TTC3: variants seen among roughly 807,000 people sequenced by gnomAD.
TTC3 encodes tetratricopeptide repeat domain 3.
Under a neutral mutation model 249.6 loss-of-function variants are expected in TTC3, and 180 were observed. The observed-to-expected ratio is 0.72, with a 90% CI of 0.64 to 0.82. The LOEUF is 0.82. Among genes scored for constraint, TTC3 ranks in the 40% least tolerant of loss-of-function variants. The pLI is 0.00. For synonymous variants in TTC3, 717 were observed against 805.0 expected (o/e 0.89, Z 1.85); for missense variants, 2,061 against 2,398.4 (o/e 0.86, Z 2.94).
intron 31 of TTC3, among the ~76,000 whole-genome samples, chr21:37,162,587 C>T (rs2080861805): frequency 6.6e-6 from 1 of 151,928 alleles, no homozygotes; most frequent in Non-Finnish European, 1.5e-5. Context: ...TTATATCATA[C>T]TCCTTTATGA....
At chr21:37,166,130 A>C (rs778610621) in exon 33 of TTC3, 1 of 1,614,176 alleles carries the variant, frequency 6.2e-7, no homozygotes, top group Non-Finnish European at 8.5e-7. Context: ...TGTGAAACCA[A>C]CTTATTGGGC....
At chr21:37,122,881 TG>T in intron 12 of TTC3, 101 bp from the exon 13 acceptor site, 2 of 1,096,406 alleles carry the variant, frequency 1.8e-6, no homozygotes, top group Non-Finnish European at 2.5e-6. Flanking sequence ...TTTCTAAATT[TG>T]AGGTCCTTAC....
At chr21:37,097,496 A>G (rs4817849) in intron 10 of TTC3, among the ~76,000 whole-genome samples, 69,000 of 151,992 alleles carry the variant, frequency 0.45, 16,215 homozygotes, top group Non-Finnish European at 0.52. Flanking sequence ...GGTCCTGCAT[A>G]GGTATTAGTT....
At chr21:37,123,621 C>T (rs1357355411) in intron 13 of TTC3, among the ~76,000 whole-genome samples, 1 of 152,172 alleles carries the variant, frequency 6.6e-6, no homozygotes, top group African/African-American at 2.4e-5. Flanking sequence ...ACCGAAGCTG[C>T]TAATTCTGTA....
At chr21:37,201,399 G>A in intron 45 of TTC3, 41 bp from the exon 46 acceptor site, 1 of 1,612,160 alleles carries the variant, frequency 6.2e-7, no homozygotes, top group Non-Finnish European at 8.5e-7. Context: ...GCTTCCTCAT[G>A]GTCCTGAAGG....
chr21:37,109,773 T>C (rs889580080), intron 11 of TTC3, among the ~76,000 whole-genome samples: 1 of 152,148 alleles, frequency 6.6e-6, no homozygotes, highest in Non-Finnish European at 1.5e-5. Flanking sequence ...CTCAAGTGGG[T>C]CCCTGACCCC....
exon 31 of TTC3, chr21:37,162,045 C>T: frequency 6.3e-7 from 1 of 1,582,872 alleles, no homozygotes; most frequent in Non-Finnish European, 8.6e-7. Context: ...GAGATCATCA[C>T]TTCAAGTGAA....
intron 11 of TTC3, among the ~76,000 whole-genome samples, chr21:37,117,797 G>C (rs2076265680): frequency 7.6e-6 from 1 of 131,722 alleles, no homozygotes; most frequent in African/African-American, 3.0e-5. Context: ...CTGAGCCCAG[G>C]AAGTATGAGG....
At chr21:37,132,745 A>G (rs2077579120) in exon 17 of TTC3, 11 of 1,608,184 alleles carry the variant, frequency 6.8e-6, no homozygotes, top group African/African-American at 1.3e-5. Flanking sequence ...AGTTTTCTAA[A>G]TCTTCCAGAG....
chr21:37,161,975 T>C lies in TTC3; in HGVS notation c.3097-15T>C. 6.5e-7 allele frequency: 1 copy of C among 1,528,174 alleles called. No homozygotes were observed. Among genetic ancestry groups the C allele is most frequent in the Non-Finnish European group, 8.8e-7 (1 of 1,130,986 alleles). The allele number at this position is 1,528,174 out of a possible 1,614,324, so 94.7% of individuals were successfully genotyped here. ...AGGTAGAAAATCATTGTCATTTTTC[T>C]GTCTTTTAAACCAGCCTATGTTAGT... On this transcript the variant is annotated splice_polypyrimidine_tract_variant and intron_variant, in intron 30 of 45. Transcript: ENST00000355666.
chr21:37,158,063 GCT>G (rs1487259608), intron 28 of TTC3: 1 of 946,676 alleles, frequency 1.1e-6, no homozygotes, highest in South Asian at 4.9e-5. Context: ...GGAGTGGAAA[GCT>G]TACTTTTGAC....
intron 10 of TTC3, 38 bp downstream of exon 10, chr21:37,096,681 T>A: frequency 1.4e-6 from 2 of 1,473,242 alleles, no homozygotes; most frequent in Non-Finnish European, 1.9e-6. Flanking sequence ...TGAATTATTA[T>A]GCTAAATACC....
exon 44 of TTC3, chr21:37,197,924 G>A (rs1437994237): frequency 3.7e-6 from 6 of 1,613,742 alleles, no homozygotes; most frequent in South Asian, 3.3e-5. Flanking sequence ...GCCCAGCTCT[G>A]CCACCCCCGT....
At chr21:37,121,424 AC>A in intron 11 of TTC3, 1 of 157,428 alleles carries the variant, frequency 6.4e-6, no homozygotes, top group South Asian at 1.9e-4. Context: ...AAAGGCGATG[AC>A]TTAGAGATTG....
intron 15 of TTC3, among the ~76,000 whole-genome samples, chr21:37,127,114 C>A (rs1345916054): frequency 1.3e-5 from 2 of 152,184 alleles, no homozygotes; most frequent in Non-Finnish European, 2.9e-5. Context: ...CTTGGCCTCC[C>A]AAAGTGCTGG....
In TTC3 at chr21:37,158,653, C is replaced by A. The variant is rs2080357390; in HGVS notation, c.2993-1046C>A. On this transcript the variant is annotated intron_variant, in intron 28 of 45. Coordinates refer to ENST00000355666, the Ensembl canonical transcript of TTC3. ...TATTTCTGTGAGACAGCCAAATAGCCCCTTAAAGCAGTATGACTGAACCCA... is the reference window on the plus strand; with the variant it reads ...TATTTCTGTGAGACAGCCAAATAGCACCTTAAAGCAGTATGACTGAACCCA... Among the ~76,000 whole-genome samples the A allele has an allele frequency of 1.3e-5, 2 of 152,054 alleles. 1 individual carries two copies. Among genetic ancestry groups the A allele is most frequent in the Middle Eastern group, 6.3e-3 (2 of 316 alleles).
chr21:37,199,899 G>A (rs996827381), intron 44 of TTC3, among the ~76,000 whole-genome samples: 1 of 152,120 alleles, frequency 6.6e-6, no homozygotes, highest in Non-Finnish European at 1.5e-5. Flanking sequence ...ACTGTTAGAT[G>A]ATTAAATGTA....
At chr21:37,146,823 A>G (rs2079026497) in intron 21 of TTC3, among the ~76,000 whole-genome samples, 1 of 152,194 alleles carries the variant, frequency 6.6e-6, no homozygotes, top group African/African-American at 2.4e-5. Flanking sequence ...CGTACACTTC[A>G]TTTGAGTTGT....
chr21:37,132,946 C>T (rs1181425363), intron 17 of TTC3, among the ~76,000 whole-genome samples, 180 bp downstream of exon 17: 1 of 152,042 alleles, frequency 6.6e-6, no homozygotes, highest in Non-Finnish European at 1.5e-5. Flanking sequence ...AACTCCTGGC[C>T]TCAAGCAATC....
Sources: gnomAD v4.1 joint callset for allele counts (sites outside exome capture counted in the v4.1 genomes callset) on GRCh38, gnomAD v4.1.1 for gene constraint, MANE v1.5 for transcripts, NCBI Gene and HGNC (gene_info 2026-07-23, HGNC 2026-07-21) for gene names.